The following BANF2 variants were observed in gnomAD, a reference collection of about 807,000 sequenced individuals.
The protein encoded by BANF2 is BANF family member 2.
In BANF2, 4 loss-of-function variants were observed where a neutral mutation model predicts 8.0. The ratio of observed to expected loss-of-function variants is 0.50; its 90% confidence interval spans 0.25 to 1.14. BANF2 has a LOEUF of 1.14. Ranked by LOEUF, BANF2 falls within the 50% of genes most tolerant of loss-of-function variation. BANF2 has a pLI of 0.16. For synonymous variants in BANF2, 50 were observed against 40.6 expected, an observed-to-expected ratio of 1.23 and a Z score of -0.88; for missense variants, 96 against 107.5, an observed-to-expected ratio of 0.89 and a Z score of 0.47.
intron 1 of BANF2, among the ~76,000 whole-genome samples, chr20:17,703,287 A>G (rs976186952): frequency 6.6e-6 from 1 of 152,148 alleles, no homozygotes; most frequent in Non-Finnish European, 1.5e-5. Context: ...CTACTGCCCT[A>G]TCCCTGGATA....
chr20:17,724,424 C>A (rs561907998), intron 2 of BANF2, among the ~76,000 whole-genome samples: 1 of 152,092 alleles, frequency 6.6e-6, no homozygotes, highest in Non-Finnish European at 1.5e-5. Flanking sequence ...CTGGAGCAGC[C>A]CTTTCACCAC....
At chr20:17,708,654 A>AT (rs199630471) in intron 1 of BANF2, among the ~76,000 whole-genome samples, 6 of 151,970 alleles carry the variant, frequency 3.9e-5, no homozygotes, top group Admixed American at 2.0e-4. Flanking sequence ...TCACTGCTTT[A>AT]TTTTTTTAAT....
chr20:17,698,618 C>T (rs377588951), upstream of BANF2, among the ~76,000 whole-genome samples: 22 of 152,268 alleles, frequency 1.4e-4, no homozygotes, highest in East Asian at 1.9e-4. Flanking sequence ...TGCAGCTGCC[C>T]GCTTGTAGGC....
At chr20:17,699,900 G>A (rs981451603), upstream of BANF2, 3 of 839,678 alleles carry the variant, frequency 3.6e-6, no homozygotes, top group Non-Finnish European at 4.3e-6. Context: ...GCTCACCCCC[G>A]ACCTGTGGTG....
intron 1 of BANF2, among the ~76,000 whole-genome samples, chr20:17,712,848 A>C (rs2037594826): frequency 6.6e-6 from 1 of 152,206 alleles, no homozygotes; most frequent in African/African-American, 2.4e-5. Context: ...TTATAGCAGC[A>C]TTAGTAACAA....
chr20:17,707,136 C>A (rs560658621), intron 1 of BANF2, among the ~76,000 whole-genome samples: 1 of 152,180 alleles, frequency 6.6e-6, no homozygotes, highest in African/African-American at 2.4e-5. Context: ...GTAATCCCAG[C>A]ACTTTGGGAG....
intron 2 of BANF2, among the ~76,000 whole-genome samples, chr20:17,723,480 C>T (rs890820324): frequency 4.6e-5 from 7 of 152,214 alleles, no homozygotes; most frequent in South Asian, 2.1e-4. Context: ...GCTCAACCTA[C>T]GTCTGATCTA....
At chr20:17,726,752 T>G (rs2037814305) in intron 3 of BANF2, among the ~76,000 whole-genome samples, 1 of 152,252 alleles carries the variant, frequency 6.6e-6, no homozygotes, top group Non-Finnish European at 1.5e-5. Flanking sequence ...CAGCATTGAT[T>G]AAATGTGTCC....
At chr20:17,699,567 C>G (rs1377491595), upstream of BANF2, among the ~76,000 whole-genome samples, 1 of 152,178 alleles carries the variant, frequency 6.6e-6, no homozygotes, top group African/African-American at 2.4e-5. Context: ...AATTTCAAGT[C>G]CATCACAGAA....
chr20:17,700,908 G>T (rs1169332799), intron 1 of BANF2, among the ~76,000 whole-genome samples: 1 of 152,178 alleles, frequency 6.6e-6, no homozygotes, highest in African/African-American at 2.4e-5. Context: ...ATCTGTGAGT[G>T]CCAACACGTC....
chr20:17,719,558 C>A (rs1468885421), intron 1 of BANF2, among the ~76,000 whole-genome samples: 1 of 152,038 alleles, frequency 6.6e-6, no homozygotes, highest in Non-Finnish European at 1.5e-5. Context: ...GGGATGGCAT[C>A]ATGTGTTGGG....
chr20:17,711,392 T>C (rs1262031614), intron 1 of BANF2, among the ~76,000 whole-genome samples: 12 of 152,256 alleles, frequency 7.9e-5, no homozygotes, highest in Admixed American at 6.5e-4. Flanking sequence ...ATACGATTCT[T>C]TATTCTTAGA....
chr20:17,694,945 T>C (rs1020214705), upstream of BANF2, among the ~76,000 whole-genome samples: 12 of 152,044 alleles, frequency 7.9e-5, no homozygotes, highest in African/African-American at 2.9e-4. Flanking sequence ...GAACATACAC[T>C]ATCCTAATTC....
chr20:17,730,253 T>G (rs1454138506), intron 3 of BANF2, among the ~76,000 whole-genome samples: 1 of 152,098 alleles, frequency 6.6e-6, no homozygotes, highest in Non-Finnish European at 1.5e-5. Context: ...TGGAGACGCA[T>G]AGAGACCACA....
At position 17,711,850 on chromosome 20, in the gene BANF2, C is replaced by G. The variant is rs543711375; in HGVS notation, c.-166-10866C>G. ...TGGTCAAGGAGACCTGCGCATGGCA[C>G]CAATGGCACCTACTACTCTCTGTCT... On this transcript the variant is annotated intron_variant, in intron 1 of 3. Transcript: ENST00000246090. Among the ~76,000 whole-genome samples the G allele has an allele frequency of 2.5e-3, 377 of 152,270 alleles. 1 individual carries two copies. Among genetic ancestry groups the G allele is most frequent in the African/African-American group, 5.8e-3 (239 of 41,528 alleles).
chr20:17,711,452 G>T (rs566315358), intron 1 of BANF2, among the ~76,000 whole-genome samples: 1 of 152,252 alleles, frequency 6.6e-6, no homozygotes, highest in Non-Finnish European at 1.5e-5. Context: ...TTATGTATGT[G>T]TTGGGTGGGG....
At chr20:17,729,006 A>C (rs957287187) in intron 3 of BANF2, among the ~76,000 whole-genome samples, 1 of 152,202 alleles carries the variant, frequency 6.6e-6, no homozygotes, top group African/African-American at 2.4e-5. Flanking sequence ...TTTAGAATGA[A>C]TTTCACCTGT....
At chr20:17,725,933 A>G (rs2037802919) in intron 3 of BANF2, among the ~76,000 whole-genome samples, 1 of 152,158 alleles carries the variant, frequency 6.6e-6, no homozygotes. Flanking sequence ...ATGGCTGACG[A>G]CTAGTTTGGT....
intron 2 of BANF2, among the ~76,000 whole-genome samples, chr20:17,724,803 G>T (rs968977217): frequency 6.6e-6 from 1 of 152,182 alleles, no homozygotes; most frequent in African/African-American, 2.4e-5. Context: ...CCATCATTCG[G>T]CTTCTGTTTG....
Sources: gnomAD v4.1 joint callset for allele counts (sites outside exome capture counted in the v4.1 genomes callset) on GRCh38, gnomAD v4.1.1 for gene constraint, MANE v1.5 for transcripts, NCBI Gene and HGNC (gene_info 2026-07-23, HGNC 2026-07-21) for gene names.